Variants in SLC35F3 observed in about 807,000 individuals in gnomAD.
SLC35F3 encodes putative thiamine transporter SLC35F3.
In SLC35F3, 25 loss-of-function variants were observed where a neutral mutation model predicts 49.9. The ratio of observed to expected loss-of-function variants is 0.50; its 90% CI spans 0.37 to 0.70. The LOEUF is 0.70. Among genes scored for constraint, SLC35F3 ranks in the 30% least tolerant of loss-of-function variants. The probability of loss-of-function intolerance (pLI) is 0.00; values close to 1 mark genes in which losing one functional copy is unlikely to be tolerated. For missense variants in SLC35F3, 525 were observed against 639.8 expected (o/e 0.82, Z 1.94); for synonymous variants, 275 against 265.4 (o/e 1.04, Z -0.35).
intron 4 of SLC35F3, among the ~76,000 whole-genome samples, chr1:234,312,889 T>C (rs914068758): frequency 6.6e-6 from 1 of 151,916 alleles, no homozygotes; most frequent in African/African-American, 2.4e-5. Context: ...TTGTTTTTGT[T>C]TTGCAGAGAC....
chr1:234,303,844 G>A (rs1452052217), intron 3 of SLC35F3, among the ~76,000 whole-genome samples: 1 of 151,844 alleles, frequency 6.6e-6, no homozygotes, highest in Non-Finnish European at 1.5e-5. Flanking sequence ...TTTGGTACTT[G>A]GTGGCCCCTT....
chr1:234,320,282 TCACA>T lies in SLC35F3; in HGVS notation c.1237+98_1237+101del. The T allele has an allele frequency of 1.2e-6, 1 of 833,642 alleles. No homozygotes were observed. The highest frequency in any genetic ancestry group is 2.1e-6 in the Non-Finnish European group (1 of 486,246). 51.6% of individuals were successfully genotyped at this position (833,642 alleles called of 1,614,324 possible). ...CACACACTCATGCATACATACACAC[TCACA>T]CATACACTCACATACACACACTCAT... On this transcript the variant is annotated intron_variant, in intron 7 of 7. Coordinates refer to ENST00000366618, the MANE Select transcript of SLC35F3 (RefSeq NM_173508.4). This position sits in a 1 kb window ranked among gnomAD's most constrained non-coding sequence, Gnocchi z 4.8.
At chr1:233,905,449 G>C in intron 1 of SLC35F3, 80 bp from the exon 2 acceptor site, 1 of 1,097,796 alleles carries the variant, frequency 9.1e-7, no homozygotes, top group Non-Finnish European at 1.3e-6. Context: ...CTCGCCCTGG[G>C]ATCTGCTCCT....
chr1:234,256,475 G>A (rs1287301498), intron 3 of SLC35F3, among the ~76,000 whole-genome samples: 2 of 152,130 alleles, frequency 1.3e-5, no homozygotes, highest in Non-Finnish European at 2.9e-5. Flanking sequence ...TTGCCTAAGG[G>A]CTTGCCAGAA....
intron 3 of SLC35F3, among the ~76,000 whole-genome samples, chr1:234,244,277 A>G (rs1667597784): frequency 6.6e-6 from 1 of 152,204 alleles, no homozygotes; most frequent in Admixed American, 6.5e-5. Context: ...GAAAATGTCA[A>G]TCTTTGAACA....
chr1:234,224,185 C>T (rs1667251358), intron 2 of SLC35F3, among the ~76,000 whole-genome samples: 1 of 152,192 alleles, frequency 6.6e-6, no homozygotes, highest in African/African-American at 2.4e-5. Context: ...CCACCTCAGC[C>T]TCCCAGGTAG....
chr1:234,184,101 C>T (rs1045548390), intron 2 of SLC35F3, among the ~76,000 whole-genome samples: 1 of 151,052 alleles, frequency 6.6e-6, no homozygotes, highest in African/African-American at 2.4e-5. Context: ...TTGTTCTTTG[C>T]TAGTTAATTC....
At chr1:233,905,836 C>G in intron 2 of SLC35F3, 78 bp downstream of exon 2, 3 of 1,335,606 alleles carry the variant, frequency 2.2e-6, no homozygotes, top group South Asian at 1.4e-5. Flanking sequence ...GGGGAGCGCA[C>G]GCAGTGAGGC....
intron 2 of SLC35F3, among the ~76,000 whole-genome samples, chr1:233,997,409 C>G (rs1663478943): frequency 6.6e-6 from 1 of 152,196 alleles, no homozygotes; most frequent in South Asian, 2.1e-4. Flanking sequence ...ACCTCCTCAT[C>G]TATACTGTCT....
At chr1:234,022,863 A>G (rs1325196372) in intron 2 of SLC35F3, among the ~76,000 whole-genome samples, 3 of 152,334 alleles carry the variant, frequency 2.0e-5, no homozygotes, top group African/African-American at 4.8e-5. Context: ...TTTCCATGCT[A>G]TGCCAATCCT....
Position 234,254,606 on chromosome 1 carries a change from G to C in SLC35F3, c.608+22865G>C, listed in dbSNP as rs553962904. On this transcript the variant is annotated intron_variant, in intron 3 of 7. Transcript: ENST00000366618. ...TAGGCCCAAGTTAATTCTATCCCAG[G>C]GTAATAAAAAGGCTTGCAAACAGGA... Among the ~76,000 whole-genome samples the C allele has an allele frequency of 2.6e-5, 4 of 152,110 alleles. No individual in the cohort carries two copies. The East Asian group carries it at 7.7e-4, about 29-fold the overall frequency.
intron 2 of SLC35F3, among the ~76,000 whole-genome samples, chr1:234,166,276 C>T (rs752731306): frequency 2.6e-5 from 4 of 152,112 alleles, no homozygotes; most frequent in Non-Finnish European, 5.9e-5. Flanking sequence ...CCCACCAGAG[C>T]GGTCCATTTG....
chr1:234,322,857 C>G, intron 7 of SLC35F3, 151 bp from the exon 8 acceptor site: 1 of 672,974 alleles, frequency 1.5e-6, no homozygotes, highest in Non-Finnish European at 2.6e-6. Flanking sequence ...CCCAGCCCAC[C>G]TGGAACAAAA....
At chr1:234,195,769 A>G (rs192719281) in intron 2 of SLC35F3, among the ~76,000 whole-genome samples, 4 of 152,272 alleles carry the variant, frequency 2.6e-5, no homozygotes, top group Admixed American at 6.5e-5. Context: ...TGTGGGAGGA[A>G]CCCAGTGGGA....
rs1161387704 is a variant in SLC35F3 at position 234,228,956 on chromosome 1, GATT to G, written c.284-2449_284-2447del. On this transcript the variant is annotated intron_variant, in intron 2 of 7. Coordinates refer to ENST00000366618, the MANE Select transcript of SLC35F3 (RefSeq NM_173508.4). Reference sequence around the variant, plus strand: ...GAATGAGGTAATGAAATTGATGAGTGATTATTATTATTATAAGAGACACAGTAT... The same window carrying G: ...GAATGAGGTAATGAAATTGATGAGTGATTATTATTATAAGAGACACAGTAT... Among the ~76,000 whole-genome samples, 20 of 152,280 alleles carry G rather than the reference GATT, an allele frequency of 1.3e-4. No homozygotes were observed. In the East Asian group the frequency reaches 3.9e-3, roughly 29 times the overall value.
chr1:234,225,723 A>G (rs912153391), intron 2 of SLC35F3, among the ~76,000 whole-genome samples: 3 of 152,244 alleles, frequency 2.0e-5, no homozygotes, highest in African/African-American at 7.2e-5. Context: ...ACAAAGACTT[A>G]TAGGTGAATG....
At chr1:234,321,897 C>G (rs1657629016) in intron 7 of SLC35F3, among the ~76,000 whole-genome samples, 1 of 152,038 alleles carries the variant, frequency 6.6e-6, no homozygotes, top group African/African-American at 2.4e-5. Flanking sequence ...AATTAAAATA[C>G]AGGCCAGGCA....
intron 2 of SLC35F3, among the ~76,000 whole-genome samples, chr1:234,225,180 C>T (rs1179313458): frequency 6.6e-6 from 1 of 152,132 alleles, no homozygotes; most frequent in Non-Finnish European, 1.5e-5. Flanking sequence ...CTGCAAGTCT[C>T]CCCCCCTTTC....
chr1:234,135,583 A>T (rs1018530631), intron 2 of SLC35F3, among the ~76,000 whole-genome samples: 1 of 152,206 alleles, frequency 6.6e-6, no homozygotes, highest in Non-Finnish European at 1.5e-5. Context: ...AGCAAAGGGA[A>T]GTCCAGAGGA....
Sources: allele counts gnomAD v4.1 joint callset (sites outside exome capture counted in the v4.1 genomes callset), GRCh38; gene constraint gnomAD v4.1.1; non-coding constraint Gnocchi (gnomAD v3.1); transcripts MANE v1.5; gene names NCBI Gene and HGNC (gene_info 2026-07-23, HGNC 2026-07-21).